Variants in CHERP observed in about 807,000 individuals in gnomAD.
CHERP encodes the protein calcium homeostasis endoplasmic reticulum protein.
CHERP carries 8 observed loss-of-function variants against 113.8 expected under a neutral mutation model. That is an observed-to-expected ratio of 0.07 (90% CI 0.04 to 0.13). CHERP has a LOEUF of 0.13. CHERP is among the 10% of genes least tolerant of loss of function. The probability of loss-of-function intolerance (pLI) is 1.00; values close to 1 mark genes in which losing one functional copy is unlikely to be tolerated. For synonymous variants in CHERP, 559 were observed against 524.5 expected (o/e 1.07, Z -0.90); for missense variants, 884 against 1,298.2 (o/e 0.68, Z 4.90).
In CHERP at chr19:16,521,672, A is replaced by T. The variant is rs1275391398; in HGVS notation, c.1981-18T>A. On this transcript the variant is annotated intron_variant, in intron 11 of 16. Coordinates refer to ENST00000546361, the MANE Select transcript of CHERP (RefSeq NM_006387.6). ...TCTTCCAGCTGCAGCAGAGAACCCC[A>T]GCTGTCACCATGCCTGGGCAGAGCC... 6.4e-7 allele frequency: 1 copy of T among 1,555,260 alleles called. No individual in the cohort carries two copies. The highest frequency in any genetic ancestry group is 8.7e-7 in the Non-Finnish European group (1 of 1,146,532).
chr19:16,532,621 C>A lies in CHERP; in HGVS notation c.651G>T (p.Leu217=). The A allele has an allele frequency of 6.2e-7, 1 of 1,608,796 alleles. No homozygotes were observed. The highest frequency in any genetic ancestry group is 1.1e-5 in the South Asian group (1 of 90,970). ...HFELRLHLIY[L]INDVLHHCQR... ...ACCAGTGGTGCAGCACGTCATTGATCAGGTAGATGAGGTGCAGCCGCAGCT... is the reference window on the plus strand; with the variant it reads ...ACCAGTGGTGCAGCACGTCATTGATAAGGTAGATGAGGTGCAGCCGCAGCT... Residue 217 remains leucine, a synonymous_variant, in exon 5 of 17, where the codon CTG becomes CTT. Transcript: ENST00000546361. This position sits in a 1 kb window ranked among gnomAD's most constrained non-coding sequence, Gnocchi z 4.4.
chr19:16,520,674 C>A lies in CHERP; in HGVS notation c.2201+152G>T. 8.9e-7 allele frequency: 1 copy of A among 1,126,300 alleles called. No homozygotes were observed. The highest frequency in any genetic ancestry group is 1.3e-5 in the South Asian group (1 of 74,484). The allele number at this position is 1,126,300 out of a possible 1,614,324, so 69.8% of individuals were successfully genotyped here. On this transcript the variant is annotated intron_variant, in intron 13 of 16. Transcript: ENST00000546361. This position sits in a 1 kb window ranked among gnomAD's most constrained non-coding sequence, Gnocchi z 4.0. ...TTCCTAAATAGTGTGGCCGAGCCTG[C>A]TGCTGTGTGAATTCAGGCCTTGTGG... is the stretch of plus-strand genomic sequence containing the variant.
rs766830505 is a variant in CHERP at position 16,523,018 on chromosome 19, C to A, written c.1980+34G>T. On this transcript the variant is annotated intron_variant, in intron 11 of 16. Transcript: ENST00000546361. The surrounding 1 kb of genome is among the most constrained non-coding windows in gnomAD (Gnocchi z 4.0). ...GAGAAACGGGGACCAGTATGGTAAG[C>A]GTGCTCAGCTTGGAGCCCACTGTGG... is the stretch of plus-strand genomic sequence containing the variant. 8 of 1,490,984 alleles carry A rather than the reference C, an allele frequency of 5.4e-6. No homozygotes were observed. Among genetic ancestry groups the A allele is most frequent in the Admixed American group, 2.5e-5 (1 of 39,648 alleles). The allele number at this position is 1,490,984 out of a possible 1,614,324, so 92.4% of individuals were successfully genotyped here.
At chr19:16,542,327 C>A in intron 1 of CHERP, 27 bp downstream of exon 1, 2 of 1,409,882 alleles carry the variant, frequency 1.4e-6, no homozygotes, top group Admixed American at 3.0e-5. Context: ...GAGAGAGAAA[C>A]GGTCTCTCGG....
intron 12 of CHERP, chr19:16,521,230 G>A: frequency 3.5e-6 from 2 of 572,614 alleles, no homozygotes; most frequent in South Asian, 2.2e-5. Flanking sequence ...CAGGAAGGAG[G>A]GGTGACCACT....
At position 16,534,621 on chromosome 19, in the gene CHERP, G is replaced by A. The variant is rs909521626; in HGVS notation, c.384+831C>T. 1.3e-5 allele frequency among the ~76,000 whole-genome samples: 2 copies of A among 151,972 alleles called. 1 individual carries two copies. Among genetic ancestry groups the A allele is most frequent in the South Asian group, 4.2e-4 (2 of 4,804 alleles). ...CTCCCAAGTAGCTGGGATTACAGGC[G>A]TGCACCACCACGCCCAGCTAATTTT... On this transcript the variant is annotated intron_variant, in intron 3 of 16. Transcript: ENST00000546361.
Position 16,528,202 on chromosome 19 carries a change from C to T in CHERP, c.1183G>A (p.Gly395Arg), listed in dbSNP as rs775793913. ...GCAGCTGCAGGATCCTGGACCCCTC[C>T]TGGAGCTTCGTACTCTGAAGAGCCA... ...MPGSSEYEAP[G>R]GVQDPAAAGP... Residue 395 changes from glycine (G) to arginine (R), a missense_variant, in exon 9 of 17, where the codon GGA becomes AGA. Physicochemically the swap from Gly to Arg is moderately radical, Grantham distance 125 (BLOSUM62 -2). Transcript: ENST00000546361. 6.2e-7 allele frequency: 1 copy of T among 1,608,850 alleles called. No homozygotes were observed. The highest frequency in any genetic ancestry group is 8.5e-7 in the Non-Finnish European group (1 of 1,178,248).
Position 16,530,465 on chromosome 19 carries a change from A to G in CHERP, c.876+120T>C. 1 of 881,168 alleles carries G rather than the reference A, an allele frequency of 1.1e-6. No individual in the cohort carries two copies. The allele number at this position is 881,168 out of a possible 1,614,324, so 54.6% of individuals were successfully genotyped here. The stretch of plus-strand genomic sequence containing the variant: ...AACACACACTGGCTACTCCTAGCAC[A>G]GGCAGGGGACATGGGCTCTCTGGCT... On this transcript the variant is annotated intron_variant, in intron 7 of 16. Transcript: ENST00000546361. This position sits in a 1 kb window ranked among gnomAD's most constrained non-coding sequence, Gnocchi z 4.1.
rs965363552 is a variant in CHERP at position 16,525,634 on chromosome 19, G to T, written c.1349C>A (p.Pro450His). The T allele has an allele frequency of 3.3e-6, 5 of 1,530,150 alleles. No homozygotes were observed. Among genetic ancestry groups the T allele is most frequent in the Non-Finnish European group, 3.5e-6 (4 of 1,140,960 alleles). 94.8% of individuals were successfully genotyped at this position (1,530,150 alleles called of 1,614,324 possible). A position where few individuals can be genotyped will look rare whatever the true frequency, so the allele number is the denominator to read the frequency against. ...GCTGTTGTTCCAGGGGGGGCAGTGG[G>T]GTGGGCCGCCCTGGTGGTGCGGGTA... ...PPYPHHQGGP[P>H]HCPPWNNSHE... The change falls in exon 10 of 17, where the codon CCC (proline) becomes CAC (histidine). Residue 450 changes from proline (P) to histidine (H), a missense_variant. Around this residue, in one of 8 missense-constraint regions of CHERP, gnomAD observed 464 missense variants for 590.1 expected, o/e 0.79. Coordinates refer to ENST00000546361, the MANE Select transcript of CHERP (RefSeq NM_006387.6). This position sits in a 1 kb window ranked among gnomAD's most constrained non-coding sequence, Gnocchi z 6.5.
rs75001373 is a variant in CHERP, at chr19:16,531,229, G to A, written c.675-349C>T. Among the ~76,000 whole-genome samples, 3 of 152,334 alleles carry A rather than the reference G, an allele frequency of 2.0e-5. No individual in the cohort carries two copies. In the East Asian group the frequency reaches 5.8e-4, roughly 29 times the overall value. On this transcript the variant is annotated intron_variant, in intron 5 of 16. Coordinates refer to ENST00000546361, the MANE Select transcript of CHERP (RefSeq NM_006387.6). ...CCGGCGGGAGCCCCTGCCTGTGTATGATGGGCGGGATGGGACTGCTGCGGA... is the reference window on the plus strand; with the variant it reads ...CCGGCGGGAGCCCCTGCCTGTGTATAATGGGCGGGATGGGACTGCTGCGGA...
chr19:16,528,381 A>C lies in CHERP; in HGVS notation c.1130-126T>G. 3 of 905,486 alleles carry C rather than the reference A, an allele frequency of 3.3e-6. No individual in the cohort carries two copies. The South Asian group carries it at 5.8e-5, about 17-fold the overall frequency. 56.1% of individuals were successfully genotyped at this position (905,486 alleles called of 1,614,324 possible). A position where few individuals can be genotyped will look rare whatever the true frequency, so the allele number is the denominator to read the frequency against. Reference sequence around the variant, plus strand: ...CCAGTGGATGATCGCTTCAGGACCCACTAAAACCATGACTATCACTGGCTT... The same window carrying C: ...CCAGTGGATGATCGCTTCAGGACCCCCTAAAACCATGACTATCACTGGCTT... On this transcript the variant is annotated intron_variant, in intron 8 of 16. Coordinates refer to ENST00000546361, the MANE Select transcript of CHERP (RefSeq NM_006387.6).
chr19:16,520,941 C>T lies in CHERP; in HGVS notation c.2115-29G>A. 2.5e-6 allele frequency: 4 copies of T among 1,576,360 alleles called. No individual in the cohort carries two copies. Among genetic ancestry groups the T allele is most frequent in the Non-Finnish European group, 2.6e-6 (3 of 1,146,680 alleles). ...TAAGACACGGCATTCCGTGTGTGAC[C>T]ACGTGACACCCACCCACAAGGAAGT... On this transcript the variant is annotated intron_variant, in intron 12 of 16. Coordinates refer to ENST00000546361, the MANE Select transcript of CHERP (RefSeq NM_006387.6). The surrounding 1 kb of genome is among the most constrained non-coding windows in gnomAD (Gnocchi z 4.0).
intron 2 of CHERP, among the ~76,000 whole-genome samples, chr19:16,538,125 A>G (rs2085753534): frequency 6.6e-6 from 1 of 150,524 alleles, no homozygotes; most frequent in Non-Finnish European, 1.5e-5. Flanking sequence ...TCCAGGATAC[A>G]CTCCTCACTC....
At position 16,532,182 on chromosome 19, in the gene CHERP, A is replaced by G. The variant is rs1008688147; in HGVS notation, c.674+416T>C. The G allele has an allele frequency of 4.7e-5, 8 of 169,722 alleles. No individual in the cohort carries two copies. The highest frequency in any genetic ancestry group is 7.7e-5 in the Non-Finnish European group (6 of 78,410). The allele number at this position is 169,722 out of a possible 1,614,324, so 10.5% of individuals were successfully genotyped here. ...AAAGGAGGGTCCTGATGGCTGAGCA[A>G]AGTCAGGTGACCGCGTGTGTGTGCG... On this transcript the variant is annotated intron_variant, in intron 5 of 16. Coordinates refer to ENST00000546361, the MANE Select transcript of CHERP (RefSeq NM_006387.6). The surrounding 1 kb of genome is among the most constrained non-coding windows in gnomAD (Gnocchi z 4.4).
chr19:16,541,821 G>C (rs1283234940), intron 2 of CHERP, 49 bp downstream of exon 2: 1 of 1,578,070 alleles, frequency 6.3e-7, no homozygotes, highest in Non-Finnish European at 8.6e-7. Flanking sequence ...ACTGGAATCC[G>C]AGAAAGGAAG....
In CHERP at chr19:16,535,697, T is replaced by G; in HGVS notation, c.200-61A>C. ...GCAGATGGGGGTCTAGGTGTCCCCT[T>G]GGCCACCTCTCAGCCACAGGGGCCT... is the stretch of plus-strand genomic sequence containing the variant. On this transcript the variant is annotated intron_variant, in intron 2 of 16. Coordinates refer to ENST00000546361, the MANE Select transcript of CHERP (RefSeq NM_006387.6). The surrounding 1 kb of genome is among the most constrained non-coding windows in gnomAD (Gnocchi z 4.3). 7.1e-7 allele frequency: 1 copy of G among 1,408,152 alleles called. No homozygotes were observed. Among genetic ancestry groups the G allele is most frequent in the Non-Finnish European group, 9.4e-7 (1 of 1,068,962 alleles). The allele number at this position is 1,408,152 out of a possible 1,614,324, so 87.2% of individuals were successfully genotyped here.
intron 9 of CHERP, among the ~76,000 whole-genome samples, chr19:16,527,846 TAC>T (rs1182745137): frequency 6.6e-6 from 1 of 152,194 alleles, no homozygotes; most frequent in Non-Finnish European, 1.5e-5. Context: ...TGATCTATAC[TAC>T]AGAGAAGCCC....
At chr19:16,524,452 A>T (rs547991047) in intron 10 of CHERP, among the ~76,000 whole-genome samples, 1 of 151,762 alleles carries the variant, frequency 6.6e-6, no homozygotes, top group African/African-American at 2.4e-5. Context: ...GCTACTCGGG[A>T]GGCTGAGGCA....
intron 2 of CHERP, among the ~76,000 whole-genome samples, chr19:16,537,153 G>A (rs1175457005): frequency 6.6e-6 from 1 of 151,846 alleles, no homozygotes; most frequent in African/African-American, 2.4e-5. Flanking sequence ...TCAGCCTGGT[G>A]CCTGCTTGCC....
Sources: gnomAD v4.1 joint callset for allele counts (sites outside exome capture counted in the v4.1 genomes callset) on GRCh38, gnomAD v4.1.1 for gene constraint, gnomAD v4.1.1 regional missense constraint, Gnocchi (gnomAD v3.1) non-coding constraint, MANE v1.5 for transcripts, NCBI Gene and HGNC (gene_info 2026-07-23, HGNC 2026-07-21) for gene names.